CLIC5: variants seen among roughly 807,000 people sequenced by gnomAD.
CLIC5 encodes chloride intracellular channel protein 5.
A neutral mutation model predicts 24.7 loss-of-function variants in CLIC5; 20 were observed. That is an observed-to-expected ratio of 0.81 (90% confidence interval 0.57 to 1.18). CLIC5 has a LOEUF of 1.18. Ranked by LOEUF, CLIC5 falls within the 50% of genes most tolerant of loss-of-function variation. The pLI is 0.00. For missense variants in CLIC5, 341 were observed against 326.1 expected, an observed-to-expected ratio of 1.05 and a Z score of -0.35; for synonymous variants, 159 against 135.6, an observed-to-expected ratio of 1.17 and a Z score of -1.20.
At chr6:46,048,784 C>CG (rs1227747686) in intron 1 of CLIC5, among the ~76,000 whole-genome samples, 1 of 152,014 alleles carries the variant, frequency 6.6e-6, no homozygotes, top group Non-Finnish European at 1.5e-5. Flanking sequence ...ACTTGTCTCC[C>CG]GGGGGAAGAA....
intron 3 of CLIC5, among the ~76,000 whole-genome samples, chr6:45,942,500 G>A (rs534174437): frequency 1.3e-5 from 2 of 152,130 alleles, no homozygotes; most frequent in Admixed American, 6.5e-5. Context: ...CATTTTATGG[G>A]TATGGCCAGG....
chr6:45,889,058 A>C (rs1023509636), intron 6 of CLIC5, among the ~76,000 whole-genome samples: 1 of 152,210 alleles, frequency 6.6e-6, no homozygotes, highest in African/African-American at 2.4e-5. Context: ...GGTGATCCCT[A>C]TATACCTATA....
chr6:45,973,103 G>A (rs1436559955), intron 1 of CLIC5, among the ~76,000 whole-genome samples: 3 of 152,164 alleles, frequency 2.0e-5, no homozygotes, highest in Admixed American at 6.5e-5. Context: ...GACTTGGCTT[G>A]TCTGTTAGAA....
At chr6:45,903,358 G>A (rs569565327) in intron 5 of CLIC5, 103 bp from the exon 6 acceptor site, 28 of 964,454 alleles carry the variant, frequency 2.9e-5, no homozygotes, top group African/African-American at 2.2e-4. Flanking sequence ...GGAAACCTCC[G>A]TGCATCACCA....
At chr6:46,009,326 T>G (rs1214319491) in intron 1 of CLIC5, among the ~76,000 whole-genome samples, 1 of 152,132 alleles carries the variant, frequency 6.6e-6, no homozygotes, top group Non-Finnish European at 1.5e-5. Flanking sequence ...ATCTCAGAAC[T>G]TAGATACTTC....
At chr6:46,002,103 G>A (rs1362348849) in intron 1 of CLIC5, among the ~76,000 whole-genome samples, 1 of 152,102 alleles carries the variant, frequency 6.6e-6, no homozygotes, top group Non-Finnish European at 1.5e-5. Flanking sequence ...TAACTTGTCT[G>A]GGCCTCAAGG....
At chr6:46,010,054 C>T (rs564709873) in intron 1 of CLIC5, among the ~76,000 whole-genome samples, 7 of 152,144 alleles carry the variant, frequency 4.6e-5, no homozygotes, top group Non-Finnish European at 8.8e-5. Context: ...ATGAGACTCA[C>T]TGCTTGTGTT....
At chr6:46,013,287 T>TA (rs1469452910) in intron 1 of CLIC5, among the ~76,000 whole-genome samples, 1 of 152,244 alleles carries the variant, frequency 6.6e-6, no homozygotes, top group Admixed American at 6.5e-5. Flanking sequence ...GGGAATCATG[T>TA]ACCTCAGAGA....
At chr6:46,025,618 A>G (rs952408006) in intron 1 of CLIC5, among the ~76,000 whole-genome samples, 1 of 152,200 alleles carries the variant, frequency 6.6e-6, no homozygotes, top group African/African-American at 2.4e-5. Context: ...CCTGGAAATG[A>G]AGGCTGAAGA....
At chr6:46,053,819 G>T (rs1469556643) in intron 1 of CLIC5, among the ~76,000 whole-genome samples, 1 of 152,140 alleles carries the variant, frequency 6.6e-6, no homozygotes, top group African/African-American at 2.4e-5. Context: ...CTGGGGAGAG[G>T]CATTCCTCTC....
At chr6:45,949,123 G>T in intron 3 of CLIC5, 133 bp downstream of exon 3, 2 of 1,213,016 alleles carry the variant, frequency 1.6e-6, no homozygotes, top group Admixed American at 2.5e-5. Context: ...CTCTCTCTTT[G>T]AAGAAAGGGT....
At chr6:45,971,301 A>G (rs9472635) in intron 1 of CLIC5, among the ~76,000 whole-genome samples, 3,008 of 152,324 alleles carry the variant, frequency 0.02, 99 homozygotes, top group African/African-American at 0.068. Flanking sequence ...GTAATCGTTG[A>G]CAATCAACAA....
At chr6:45,976,567 T>G (rs1765390677) in intron 1 of CLIC5, among the ~76,000 whole-genome samples, 1 of 152,212 alleles carries the variant, frequency 6.6e-6, no homozygotes, top group Non-Finnish European at 1.5e-5. Flanking sequence ...TAATTGCTGT[T>G]TTTGCCATTA....
At chr6:45,914,672 T>G (rs1245016454) in intron 4 of CLIC5, 1 of 469,104 alleles carries the variant, frequency 2.1e-6, no homozygotes, top group Non-Finnish European at 2.9e-6. Flanking sequence ...AGAAACACAG[T>G]CTGGGTGTGG....
At chr6:45,915,722 G>A (rs1478791457) in intron 4 of CLIC5, among the ~76,000 whole-genome samples, 2 of 152,156 alleles carry the variant, frequency 1.3e-5, no homozygotes, top group Non-Finnish European at 2.9e-5. Flanking sequence ...AGACACAAAA[G>A]CAGACAAAAT....
chr6:46,037,794 G>A (rs1214030552), intron 1 of CLIC5, among the ~76,000 whole-genome samples: 2 of 152,152 alleles, frequency 1.3e-5, no homozygotes, highest in African/African-American at 4.8e-5. Flanking sequence ...TGTGCACCAG[G>A]GAAGTGGTAA....
At chr6:45,990,713 A>C (rs1199678632) in intron 1 of CLIC5, among the ~76,000 whole-genome samples, 3 of 152,370 alleles carry the variant, frequency 2.0e-5, no homozygotes, top group African/African-American at 4.8e-5. Context: ...AAGATTAAAC[A>C]AAGTTGGTGA....
upstream of CLIC5, among the ~76,000 whole-genome samples, chr6:46,081,935 T>A (rs971012454): frequency 2.0e-5 from 3 of 152,232 alleles, no homozygotes; most frequent in Non-Finnish European, 4.4e-5. Context: ...AAGGAGCCTT[T>A]TCAGATATTT....
chr6:45,897,403 A>G (rs1188006815), downstream of CLIC5, among the ~76,000 whole-genome samples: 3 of 151,956 alleles, frequency 2.0e-5, no homozygotes. Context: ...CGCTCCAGTC[A>G]TCTGAGGGTG....
Sources: gnomAD v4.1 joint callset for allele counts (sites outside exome capture counted in the v4.1 genomes callset) on GRCh38, gnomAD v4.1.1 for gene constraint, MANE v1.5 for transcripts, NCBI Gene and HGNC (gene_info 2026-07-23, HGNC 2026-07-21) for gene names.